The following CAMTA1 variants were observed in gnomAD, a reference collection of about 807,000 sequenced individuals.
CAMTA1 encodes calmodulin-binding transcription activator 1.
CAMTA1 carries 27 observed loss-of-function variants against 170.9 expected under a neutral mutation model. That is an observed-to-expected ratio of 0.16 (90% CI 0.12 to 0.22). The LOEUF is 0.22. Among genes scored for constraint, CAMTA1 ranks in the 10% least tolerant of loss-of-function variants. CAMTA1 has a pLI of 1.00. For missense variants in CAMTA1, 1,619 were observed against 2,217.2 expected (o/e 0.73, Z 5.42); for synonymous variants, 833 against 891.5 (o/e 0.93, Z 1.17).
intron 4 of CAMTA1, among the ~76,000 whole-genome samples, chr1:7,223,982 C>T (rs1297875451): frequency 6.6e-6 from 1 of 152,206 alleles, no homozygotes; most frequent in Non-Finnish European, 1.5e-5. Context: ...TGGAAGATTG[C>T]TGAATAACTC....
Position 7,463,758 on chromosome 1 carries a change from C to T in CAMTA1, c.439-4072C>T, listed in dbSNP as rs1042316324. Among the ~76,000 whole-genome samples, 3 of 152,142 alleles carry T rather than the reference C, an allele frequency of 2.0e-5. No individual in the cohort carries two copies. Among genetic ancestry groups the T allele is most frequent in the Admixed American group, 2.0e-4 (3 of 15,286 alleles). On this transcript the variant is annotated intron_variant, in intron 5 of 22. Coordinates refer to ENST00000303635, the MANE Select transcript of CAMTA1 (RefSeq NM_015215.4). The surrounding 1 kb of genome is among the most constrained non-coding windows in gnomAD (Gnocchi z 4.7). ...CGGGAAGGGAGGTGCCCACAACATA[C>T]CAACCTATAAGTGATGTGCTTCCTT...
rs536678979 is a variant in CAMTA1, at chr1:6,886,490, G to A, written c.234+61280G>A. On this transcript the variant is annotated intron_variant, in intron 3 of 22. Transcript: ENST00000303635. ...TTGTAAGAAGCCCACAGCTCTTCTC[G>A]CAGCATGCTCTTTTCAGTACCTGTT... is the stretch of plus-strand genomic sequence containing the variant. 8.0e-4 allele frequency: 288 copies of A among 359,584 alleles called. 8 individuals carry two copies. Among genetic ancestry groups the A allele is most frequent in the South Asian group, 5.3e-3 (245 of 46,292 alleles). The allele number at this position is 359,584 out of a possible 1,614,324, so 22.3% of individuals were successfully genotyped here.
Position 7,167,834 on chromosome 1 carries a change from G to C in CAMTA1, c.302+76463G>C, listed in dbSNP as rs534087845. 2.4e-3 allele frequency among the ~76,000 whole-genome samples: 364 copies of C among 152,056 alleles called. 1 individual carries two copies. The highest frequency in any genetic ancestry group is 4.3e-3 in the Non-Finnish European group (291 of 67,976). The stretch of plus-strand genomic sequence containing the variant: ...GGTAATCATAGCTCACTGCAGCCTC[G>C]AATTCCTAGCCTCAAGTGATCCTCC... On this transcript the variant is annotated intron_variant, in intron 4 of 22. Transcript: ENST00000303635.
chr1:7,380,535 T>C (rs577661359), intron 5 of CAMTA1, among the ~76,000 whole-genome samples: 4 of 152,232 alleles, frequency 2.6e-5, no homozygotes, highest in African/African-American at 9.6e-5. Flanking sequence ...GATCATGCTG[T>C]TGCACTCCAG....
chr1:7,352,581 C>G (rs1307859235), intron 5 of CAMTA1, among the ~76,000 whole-genome samples: 1 of 152,180 alleles, frequency 6.6e-6, no homozygotes, highest in Non-Finnish European at 1.5e-5. Flanking sequence ...TGGCCATCCA[C>G]CCATGGGCCC....
chr1:7,614,795 C>G (rs1439708689), intron 6 of CAMTA1, among the ~76,000 whole-genome samples: 1 of 152,208 alleles, frequency 6.6e-6, no homozygotes, highest in African/African-American at 2.4e-5. Context: ...GCTGCTCCCA[C>G]CTCCCGAGGC....
At chr1:7,752,425 C>T (rs1553280768) in intron 20 of CAMTA1, 34 bp from the exon 21 acceptor site, 3 of 1,596,288 alleles carry the variant, frequency 1.9e-6, no homozygotes, top group South Asian at 2.2e-5. Context: ...TTTACTGTAA[C>T]CTTCTTGTGA....
rs1282252098 is a variant in CAMTA1 at position 7,766,936 on chromosome 1, G to C, written c.*445G>C. ...GCAACAAAAAAAGAATGCTGTTCCTGCACCTGCCGGTTATTTCCAAGAAGC... is the reference window on the plus strand; with the variant it reads ...GCAACAAAAAAAGAATGCTGTTCCTCCACCTGCCGGTTATTTCCAAGAAGC... On this transcript the variant is annotated 3_prime_UTR_variant, in exon 23 of 23. Coordinates refer to ENST00000303635, the MANE Select transcript of CAMTA1 (RefSeq NM_015215.4). The C allele has an allele frequency of 6.4e-6, 1 of 155,182 alleles. No homozygotes were observed. Among genetic ancestry groups the C allele is most frequent in the Non-Finnish European group, 1.4e-5 (1 of 69,742 alleles). 9.6% of individuals were successfully genotyped at this position (155,182 alleles called of 1,614,324 possible).
chr1:7,304,416 T>G (rs1414137269), intron 5 of CAMTA1, among the ~76,000 whole-genome samples: 1 of 152,248 alleles, frequency 6.6e-6, no homozygotes, highest in Non-Finnish European at 1.5e-5. Context: ...TTTACACTTA[T>G]GTGACTATGT....
At chr1:7,473,503 C>T (rs1351084484) in intron 6 of CAMTA1, among the ~76,000 whole-genome samples, 1 of 152,208 alleles carries the variant, frequency 6.6e-6, no homozygotes, top group Non-Finnish European at 1.5e-5. Context: ...ACTTCTGCTC[C>T]TTGTTCAGGA....
rs1034594836 is a variant in CAMTA1, at chr1:7,301,934, C to T, written c.438+52308C>T. On this transcript the variant is annotated intron_variant, in intron 5 of 22. Coordinates refer to ENST00000303635, the MANE Select transcript of CAMTA1 (RefSeq NM_015215.4). ...GGGCCTGGCCCCCTGTCATCCAGCA[C>T]ACGGAATTGATGAGTTGTGAGACCA... 1.7e-3 allele frequency among the ~76,000 whole-genome samples: 256 copies of T among 152,198 alleles called. 2 individuals carry two copies. Among genetic ancestry groups the T allele is most frequent in the Non-Finnish European group, 2.2e-4 (15 of 68,018 alleles).
chr1:6,904,219 G>C (rs909348289), intron 3 of CAMTA1, among the ~76,000 whole-genome samples: 1 of 152,156 alleles, frequency 6.6e-6, no homozygotes, highest in Non-Finnish European at 1.5e-5. Context: ...AACACGCTTA[G>C]TTATTAAATC....
intron 3 of CAMTA1, among the ~76,000 whole-genome samples, chr1:7,006,459 A>G (rs996672824): frequency 1.2e-4 from 18 of 152,278 alleles, no homozygotes; most frequent in Middle Eastern, 6.8e-3. Flanking sequence ...TTGATGGGAA[A>G]AAAACCCAAG....
chr1:6,930,387 A>G (rs1029159498), intron 3 of CAMTA1, among the ~76,000 whole-genome samples: 1 of 152,212 alleles, frequency 6.6e-6, no homozygotes, highest in Admixed American at 6.5e-5. Flanking sequence ...GCCACCCTCA[A>G]GGACTCTACA....
rs377009977 is a variant in CAMTA1 at position 7,605,181 on chromosome 1, T to C, written c.511-35219T>C. ...GTCCATTCTCCGATCTCCAGCTGCA[T>C]GATGGGGGAACCACTACTCTCTTCA... On this transcript the variant is annotated intron_variant, in intron 6 of 22. Transcript: ENST00000303635. 5.9e-5 allele frequency among the ~76,000 whole-genome samples: 9 copies of C among 152,336 alleles called. No individual in the cohort carries two copies. In the East Asian group the frequency reaches 1.5e-3, roughly 26 times the overall value.
intron 6 of CAMTA1, among the ~76,000 whole-genome samples, chr1:7,517,152 T>C (rs1344227027): frequency 6.6e-6 from 1 of 152,224 alleles, no homozygotes; most frequent in African/African-American, 2.4e-5. Context: ...GGCCACGTTA[T>C]ATTCCATTCT....
intron 4 of CAMTA1, among the ~76,000 whole-genome samples, chr1:7,098,554 C>T (rs375070479): frequency 2.6e-5 from 4 of 152,200 alleles, no homozygotes; most frequent in Admixed American, 6.5e-5. Context: ...GGCCTGTATC[C>T]TGATGGAGTG....
At chr1:7,668,365 A>C (rs2096019341) in intron 9 of CAMTA1, among the ~76,000 whole-genome samples, 2 of 138,348 alleles carry the variant, frequency 1.4e-5, no homozygotes, top group African/African-American at 2.7e-5. Flanking sequence ...CCACCCCTTC[A>C]CCTCCAGCTG....
chr1:7,162,878 C>G (rs914316254), intron 4 of CAMTA1, among the ~76,000 whole-genome samples: 2 of 152,162 alleles, frequency 1.3e-5, no homozygotes, highest in East Asian at 3.9e-4. Flanking sequence ...TTTTGAGGAG[C>G]TGCCAAGCTG....
Sources: allele counts gnomAD v4.1 joint callset (sites outside exome capture counted in the v4.1 genomes callset), GRCh38; gene constraint gnomAD v4.1.1; non-coding constraint Gnocchi (gnomAD v3.1); transcripts MANE v1.5; gene names NCBI Gene and HGNC (gene_info 2026-07-23, HGNC 2026-07-21).